The following PCDHA5 variants were observed in gnomAD, a reference collection of about 807,000 sequenced individuals.
PCDHA5 encodes the protein protocadherin alpha-5.
Under a neutral mutation model 61.6 loss-of-function variants are expected in PCDHA5, and 43 were observed. The observed-to-expected ratio is 0.70, with a 90% CI of 0.55 to 0.90. The LOEUF (loss-of-function observed/expected upper bound fraction) is 0.90, where lower values mean the gene tolerates loss of function less well. PCDHA5 is among the 40% of genes least tolerant of loss of function. PCDHA5 has a pLI of 0.00. For missense variants in PCDHA5, 1,298 were observed against 1,222.7 expected (o/e 1.06, Z -0.92); for synonymous variants, 627 against 543.9 (o/e 1.15, Z -2.13).
At chr5:140,824,358 T>G (rs1768098936) in intron 1 of PCDHA5, 4 of 580,936 alleles carry the variant, frequency 6.9e-6, no homozygotes, top group Admixed American at 3.5e-5. Context: ...ATATTTTATA[T>G]TAGCATTTGA....
At chr5:140,856,865 A>G in intron 1 of PCDHA5, 2 of 1,595,810 alleles carry the variant, frequency 1.3e-6, no homozygotes, top group African/African-American at 1.3e-5. Context: ...TGAAGGAATA[A>G]ACAAGGAAAT....
intron 1 of PCDHA5, among the ~76,000 whole-genome samples, chr5:140,933,209 G>GTC (rs140472192): frequency 0.32 from 48,939 of 151,636 alleles, 8,153 homozygotes; most frequent in East Asian, 0.53. Flanking sequence ...TAAATTACAT[G>GTC]TCTGTTATAT....
chr5:140,929,246 C>T, intron 1 of PCDHA5: 1 of 1,613,738 alleles, frequency 6.2e-7, no homozygotes, highest in Non-Finnish European at 8.5e-7. Context: ...AATCTTGCCA[C>T]TGGGGTAGGA....
At chr5:140,859,448 G>C (rs1434508059) in intron 1 of PCDHA5, 1 of 222,132 alleles carries the variant, frequency 4.5e-6, no homozygotes, top group African/African-American at 2.3e-5. Flanking sequence ...CTTAGTTGCA[G>C]AGTGACAAAA....
At chr5:140,835,560 G>T (rs2150238266) in intron 1 of PCDHA5, 1 of 1,613,902 alleles carries the variant, frequency 6.2e-7, no homozygotes, top group South Asian at 1.1e-5. Flanking sequence ...GACGCCCCGC[G>T]TTCCCTTCAA....
intron 1 of PCDHA5, chr5:140,834,639 G>C (rs2150223224): frequency 3.1e-6 from 5 of 1,614,100 alleles, no homozygotes; most frequent in African/African-American, 1.3e-5. Context: ...CATTTTGTTT[G>C]TGAATTCTCG....
In PCDHA5 at chr5:140,823,947, G is replaced by T. The variant is rs2150130652; in HGVS notation, c.2172G>T (p.Ala724=). Reference sequence around the variant, plus strand: ...TGTACACCGCGCTGCGGTGCTCGGCGCAGCCCACCGAGGCCGTGTGCACAC... The same window carrying T: ...TGTACACCGCGCTGCGGTGCTCGGCTCAGCCCACCGAGGCCGTGTGCACAC... ...LLLYTALRCS[A]QPTEAVCTRG... The change falls in exon 1 of 4, where the codon GCG becomes GCT. Residue 724 remains alanine (A), a synonymous_variant. Transcript: ENST00000529859. 1.7e-5 allele frequency: 28 copies of T among 1,613,980 alleles called. No individual in the cohort carries two copies. The highest frequency in any genetic ancestry group is 2.2e-5 in the Non-Finnish European group (26 of 1,179,982).
chr5:140,982,687 C>T (rs2096996612), intron 3 of PCDHA5, 124 bp downstream of exon 3: 1 of 1,415,822 alleles, frequency 7.1e-7, no homozygotes, highest in Non-Finnish European at 9.3e-7. Flanking sequence ...CCCTTTTTTC[C>T]ATACATACAT....
intron 1 of PCDHA5, among the ~76,000 whole-genome samples, chr5:140,902,520 T>C (rs1350068201): frequency 6.6e-6 from 1 of 152,116 alleles, no homozygotes; most frequent in Non-Finnish European, 1.5e-5. Context: ...TATATGGTTT[T>C]TATTATGTTG....
intron 3 of PCDHA5, among the ~76,000 whole-genome samples, chr5:140,994,795 G>A (rs2097650396): frequency 6.6e-6 from 1 of 152,184 alleles, no homozygotes; most frequent in Admixed American, 6.6e-5. Flanking sequence ...ATGCGTGCAT[G>A]CAAAAACAAA....
intron 1 of PCDHA5, chr5:140,829,891 C>A (rs1554132360): frequency 6.2e-7 from 1 of 1,613,952 alleles, no homozygotes; most frequent in Non-Finnish European, 8.5e-7. Context: ...TTGACGCCGA[C>A]TCAGGCTACA....
chr5:140,937,378 G>T (rs1248709474), intron 1 of PCDHA5, among the ~76,000 whole-genome samples: 1 of 152,130 alleles, frequency 6.6e-6, no homozygotes, highest in African/African-American at 2.4e-5. Context: ...GTTTATGTGT[G>T]TGTATGTGTA....
intron 1 of PCDHA5, among the ~76,000 whole-genome samples, chr5:140,920,560 C>T (rs1288031450): frequency 1.3e-5 from 2 of 152,168 alleles, no homozygotes; most frequent in Non-Finnish European, 2.9e-5. Flanking sequence ...AAGTGTGGCC[C>T]TTAGGCCAGG....
chr5:140,882,226 G>T, intron 1 of PCDHA5: 1 of 1,564,150 alleles, frequency 6.4e-7, no homozygotes, highest in Admixed American at 1.9e-5. Context: ...GAGGTAAGGC[G>T]TTGTATATAT....
intron 1 of PCDHA5, chr5:140,869,184 G>C: frequency 6.2e-7 from 1 of 1,613,954 alleles, no homozygotes; most frequent in Non-Finnish European, 8.5e-7. Context: ...GGGAGGTGGG[G>C]AGCGGCCAGC....
At chr5:140,989,970 A>C (rs2097368842) in intron 3 of PCDHA5, among the ~76,000 whole-genome samples, 1 of 152,136 alleles carries the variant, frequency 6.6e-6, no homozygotes, top group Non-Finnish European at 1.5e-5. Flanking sequence ...GAGCTTCCTC[A>C]GCAACAGCCC....
rs2153691387 is a variant in PCDHA5, at chr5:140,951,014, G to C, written c.2353-27935G>C. Among the ~76,000 whole-genome samples the C allele has an allele frequency of 1.3e-5, 2 of 151,872 alleles. 1 individual carries two copies. Among genetic ancestry groups the C allele is most frequent in the Middle Eastern group, 6.8e-3 (2 of 294 alleles). On this transcript the variant is annotated intron_variant, in intron 1 of 3. Coordinates refer to ENST00000529859, the MANE Select transcript of PCDHA5 (RefSeq NM_018908.3). The stretch of plus-strand genomic sequence containing the variant: ...TTAGCTCCATTTTTCCCAAGATCAG[G>C]CAGTGAGTTTTAATTTCAAATATTA...
At chr5:140,941,255 C>CTTTCTCTT (rs782490896) in intron 1 of PCDHA5, among the ~76,000 whole-genome samples, 24 of 44,510 alleles carry the variant, frequency 5.4e-4, no homozygotes, top group African/African-American at 1.5e-3. Flanking sequence ...TTCTTTCTTT[C>CTTTCTCTT]TCTTTCTTTC....
intron 1 of PCDHA5, among the ~76,000 whole-genome samples, chr5:140,893,362 C>T (rs782554595): frequency 6.6e-5 from 10 of 152,110 alleles, no homozygotes; most frequent in African/African-American, 9.7e-5. Flanking sequence ...TACATGCCCA[C>T]CAACAGCATT....
Sources: allele counts gnomAD v4.1 joint callset (sites outside exome capture counted in the v4.1 genomes callset), GRCh38; gene constraint gnomAD v4.1.1; transcripts MANE v1.5; gene names NCBI Gene and HGNC (gene_info 2026-07-23, HGNC 2026-07-21).